Variants in CHMP5 observed in about 807,000 individuals in gnomAD.
CHMP5 encodes the protein SNF7 domain containing 2.
CHMP5 carries 17 observed loss-of-function variants against 33.0 expected under a neutral mutation model. The observed-to-expected ratio is 0.52, with a 90% CI of 0.35 to 0.77. The LOEUF (loss-of-function observed/expected upper bound fraction) is 0.77, where lower values mean the gene tolerates loss of function less well. Among genes scored for constraint, CHMP5 ranks in the 30% least tolerant of loss-of-function variants. CHMP5 has a pLI of 0.01. For missense variants in CHMP5, 216 were observed against 261.5 expected, an observed-to-expected ratio of 0.83 and a Z score of 1.20; for synonymous variants, 76 against 90.2, an observed-to-expected ratio of 0.84 and a Z score of 0.89.
At chr9:33,271,677 T>C (rs893291364) in intron 5 of CHMP5, among the ~76,000 whole-genome samples, 1 of 152,204 alleles carries the variant, frequency 6.6e-6, no homozygotes, top group African/African-American at 2.4e-5. Context: ...TAAGTGATGG[T>C]TCAGTAAGTT....
rs1477943246 is a variant in CHMP5 at position 33,277,800 on chromosome 9, C to T, written c.497-313C>T. 1.9e-5 allele frequency: 4 copies of T among 205,420 alleles called. 1 individual carries two copies. Among genetic ancestry groups the T allele is most frequent in the South Asian group, 1.9e-4 (2 of 10,284 alleles). 12.7% of individuals were successfully genotyped at this position (205,420 alleles called of 1,614,324 possible). Reference sequence around the variant, plus strand: ...TGTTACATTACTACTGCTGCTTTCCCGCTCTCTCCATGGTCTATTTTTGCC... The same window carrying T: ...TGTTACATTACTACTGCTGCTTTCCTGCTCTCTCCATGGTCTATTTTTGCC... On this transcript the variant is annotated intron_variant, in intron 6 of 7. Coordinates refer to ENST00000223500, the MANE Select transcript of CHMP5 (RefSeq NM_016410.6).
chr9:33,278,723 T>C (rs1820885197), intron 7 of CHMP5, among the ~76,000 whole-genome samples: 2 of 152,126 alleles, frequency 1.3e-5, no homozygotes, highest in African/African-American at 4.8e-5. Context: ...TAAAACTTAA[T>C]GTAGAAAGAT....
At chr9:33,272,094 C>T (rs888497209) in intron 5 of CHMP5, among the ~76,000 whole-genome samples, 3 of 151,946 alleles carry the variant, frequency 2.0e-5, no homozygotes, top group Non-Finnish European at 2.9e-5. Context: ...GGGTTTTGAC[C>T]AGGGAGATGA....
intron 5 of CHMP5, among the ~76,000 whole-genome samples, chr9:33,274,589 A>G (rs1248700682): frequency 2.6e-5 from 4 of 152,174 alleles, no homozygotes; most frequent in African/African-American, 9.7e-5. Flanking sequence ...AATCCTTACA[A>G]TAACCCCAGT....
intron 7 of CHMP5, 120 bp from the exon 8 acceptor site, chr9:33,280,689 G>C (rs747493901): frequency 1.2e-6 from 1 of 827,582 alleles, no homozygotes; most frequent in East Asian, 2.7e-5. Flanking sequence ...TTATGACTGC[G>C]ATTTTGGTTT....
At position 33,281,025 on chromosome 9, in the gene CHMP5, G is replaced by T; in HGVS notation, c.*166G>T. On this transcript the variant is annotated 3_prime_UTR_variant, in exon 8 of 8. Transcript: ENST00000223500. ...TTTTCCATTAAGAGACTCATTGCTT[G>T]GGAAATGCTTTCTTCGTACTAAAAT... is the stretch of plus-strand genomic sequence containing the variant. 2.2e-6 allele frequency: 1 copy of T among 456,082 alleles called. No individual in the cohort carries two copies. The allele number at this position is 456,082 out of a possible 1,614,324, so 28.3% of individuals were successfully genotyped here.
chr9:33,271,043 C>A, intron 4 of CHMP5, 109 bp from the exon 5 acceptor site: 2 of 869,712 alleles, frequency 2.3e-6, no homozygotes. Flanking sequence ...TGCACTCCAG[C>A]CTGGGCAGCA....
In CHMP5 at chr9:33,265,108, C is replaced by A; in HGVS notation, c.30C>A (p.Pro10=). 6.2e-7 allele frequency: 1 copy of A among 1,614,204 alleles called. No homozygotes were observed. Residue 10 remains proline (P), a synonymous_variant, in exon 1 of 8, where the codon CCC becomes CCA. Coordinates refer to ENST00000223500, the MANE Select transcript of CHMP5 (RefSeq NM_016410.6). ...ACCGACTCTTCGGGAAAGCGAAACCCAAGGCTCCGCCGCCCAGCCTGACTG... is the reference window on the plus strand; with the variant it reads ...ACCGACTCTTCGGGAAAGCGAAACCAAAGGCTCCGCCGCCCAGCCTGACTG... The part of the protein sequence containing the change: MNRLFGKAK[P]KAPPPSLTDC...
chr9:33,271,018 G>A, intron 4 of CHMP5, 134 bp from the exon 5 acceptor site: 5 of 694,386 alleles, frequency 7.2e-6, no homozygotes, highest in Non-Finnish European at 2.5e-6. Flanking sequence ...GGAGGCGGAG[G>A]TTGCAGTGAG....
rs905209139 is a variant in CHMP5 at position 33,282,003 on chromosome 9, T to C, written c.*1144T>C. The C allele has an allele frequency of 6.6e-6, 1 of 152,222 alleles. No individual in the cohort carries two copies. Among genetic ancestry groups the C allele is most frequent in the Non-Finnish European group, 1.5e-5 (1 of 68,046 alleles). 9.4% of individuals were successfully genotyped at this position (152,222 alleles called of 1,614,324 possible). On this transcript the variant is annotated 3_prime_UTR_variant, in exon 8 of 8. Transcript: ENST00000223500. ...GGCCCCTCCAGCCTAGCTGGGTGCC[T>C]CACAGTGCTATGTGCACCTGACTCT... is the stretch of plus-strand genomic sequence containing the variant.
intron 3 of CHMP5, 81 bp from the exon 4 acceptor site, chr9:33,270,542 C>T: frequency 2.8e-6 from 3 of 1,090,690 alleles, no homozygotes; most frequent in South Asian, 2.7e-5. Flanking sequence ...TTTAAATACT[C>T]TTATTTAGTG....
intron 1 of CHMP5, among the ~76,000 whole-genome samples, chr9:33,265,771 C>T (rs888627775): frequency 6.6e-6 from 1 of 152,196 alleles, no homozygotes; most frequent in African/African-American, 2.4e-5. Flanking sequence ...TTATTTTCTG[C>T]CCCAACCCAC....
At chr9:33,267,818 C>T (rs764165387) in intron 2 of CHMP5, 35 bp from the exon 3 acceptor site, 4 of 1,494,884 alleles carry the variant, frequency 2.7e-6, no homozygotes, top group Non-Finnish European at 2.8e-6. Flanking sequence ...ATGTGTTTTC[C>T]ACCTTATTTT....
rs1820924270 is a variant in CHMP5, at chr9:33,281,712, T to C, written c.*853T>C. The C allele has an allele frequency of 6.6e-6, 1 of 152,206 alleles. No homozygotes were observed. Among genetic ancestry groups the C allele is most frequent in the Admixed American group, 6.5e-5 (1 of 15,284 alleles). The allele number at this position is 152,206 out of a possible 1,614,324, so 9.4% of individuals were successfully genotyped here. A position where few individuals can be genotyped will look rare whatever the true frequency, so the allele number is the denominator to read the frequency against. ...TAACTACTGAGTAGTCTATTCAACC[T>C]CTCTAACCTTCTGTTTCCTTATTAG... On this transcript the variant is annotated 3_prime_UTR_variant, in exon 8 of 8. Transcript: ENST00000223500.
intron 5 of CHMP5, among the ~76,000 whole-genome samples, chr9:33,272,375 C>A (rs1310777595): frequency 1.5e-5 from 2 of 130,650 alleles, no homozygotes; most frequent in Non-Finnish European, 3.2e-5. Flanking sequence ...GAATCAGAGG[C>A]TATAAAGGGA....
At chr9:33,270,544 TA>T (rs1820781740) in intron 3 of CHMP5, 78 bp from the exon 4 acceptor site, 2 of 1,125,860 alleles carry the variant, frequency 1.8e-6, no homozygotes, top group East Asian at 2.4e-5. Flanking sequence ...TAAATACTCT[TA>T]TTTAGTGTGG....
chr9:33,270,847 T>G (rs1298002016), intron 4 of CHMP5, 131 bp downstream of exon 4: 2 of 729,256 alleles, frequency 2.7e-6, no homozygotes, highest in East Asian at 5.4e-5. Context: ...TTTGGGAGGC[T>G]GAGGTGGGTG....
intron 5 of CHMP5, among the ~76,000 whole-genome samples, chr9:33,272,794 C>T (rs1054966371): frequency 2.7e-5 from 4 of 150,904 alleles, no homozygotes; most frequent in Non-Finnish European, 5.9e-5. Context: ...AGCAAGACTC[C>T]GTCTCAAAAA....
At chr9:33,268,648 G>A (rs1313339295) in intron 3 of CHMP5, among the ~76,000 whole-genome samples, 3 of 152,160 alleles carry the variant, frequency 2.0e-5, no homozygotes, top group Non-Finnish European at 4.4e-5. Context: ...GACTGGTGAG[G>A]GTGTGGTGAA....
Sources: allele counts gnomAD v4.1 joint callset (sites outside exome capture counted in the v4.1 genomes callset), GRCh38; gene constraint gnomAD v4.1.1; transcripts MANE v1.5; gene names NCBI Gene and HGNC (gene_info 2026-07-23, HGNC 2026-07-21).